XPR1: variants seen among roughly 807,000 people sequenced by gnomAD.
XPR1 encodes the protein solute carrier family 53 member 1.
In XPR1, 28 loss-of-function variants were observed where a neutral mutation model predicts 87.5. That is an observed-to-expected ratio of 0.32 (90% CI 0.24 to 0.44). The LOEUF (loss-of-function observed/expected upper bound fraction) is 0.44. Among genes scored for constraint, XPR1 ranks in the 20% least tolerant of loss-of-function variants. XPR1 has a pLI of 1.00. For synonymous variants in XPR1, 300 were observed against 306.1 expected (o/e 0.98, Z 0.21); for missense variants, 559 against 862.3 (o/e 0.65, Z 4.41).
intron 2 of XPR1, among the ~76,000 whole-genome samples, chr1:180,777,137 GA>G (rs1229480722): frequency 1.3e-5 from 2 of 152,144 alleles, no homozygotes; most frequent in Non-Finnish European, 2.9e-5. Flanking sequence ...GTTGGCAACA[GA>G]ACCATATCTA....
intron 11 of XPR1, among the ~76,000 whole-genome samples, chr1:180,858,738 T>A (rs901813742): frequency 6.6e-6 from 1 of 152,184 alleles, no homozygotes; most frequent in African/African-American, 2.4e-5. Flanking sequence ...CTCCCTCAAC[T>A]TCAGTTTCCT....
At chr1:180,844,967 G>A (rs529424983) in intron 11 of XPR1, among the ~76,000 whole-genome samples, 7 of 152,270 alleles carry the variant, frequency 4.6e-5, no homozygotes, top group Non-Finnish European at 1.0e-4. Flanking sequence ...CATGGAAACA[G>A]GGATGGGCTG....
chr1:180,687,939 C>G (rs1656841625), intron 2 of XPR1, among the ~76,000 whole-genome samples: 2 of 151,006 alleles, frequency 1.3e-5, no homozygotes, highest in African/African-American at 4.9e-5. Context: ...ATTTCATTAC[C>G]TACTCTTCTA....
intron 13 of XPR1, among the ~76,000 whole-genome samples, chr1:180,879,654 A>T (rs941604500): frequency 6.6e-6 from 1 of 152,080 alleles, no homozygotes; most frequent in African/African-American, 2.4e-5. Flanking sequence ...GGCATACTCT[A>T]TTCCCTTGTC....
At chr1:180,644,441 A>T in intron 1 of XPR1, among the ~76,000 whole-genome samples, 1 of 144,448 alleles carries the variant, frequency 6.9e-6, no homozygotes, top group Non-Finnish European at 1.5e-5. Context: ...AATACTACTG[A>T]TACTGGTCTG....
chr1:180,813,238 A>T (rs1368974119), intron 7 of XPR1, among the ~76,000 whole-genome samples: 1 of 152,152 alleles, frequency 6.6e-6, no homozygotes, highest in Non-Finnish European at 1.5e-5. Context: ...CACTTGTGTT[A>T]GTACTTCTTA....
At chr1:180,755,983 T>A (rs1316349968) in intron 2 of XPR1, among the ~76,000 whole-genome samples, 1 of 152,228 alleles carries the variant, frequency 6.6e-6, no homozygotes, top group Admixed American at 6.5e-5. Context: ...AAGTGCTTAT[T>A]AATTACAAGA....
At chr1:180,764,494 G>A (rs1337245885) in intron 2 of XPR1, among the ~76,000 whole-genome samples, 1 of 151,584 alleles carries the variant, frequency 6.6e-6, no homozygotes, top group Non-Finnish European at 1.5e-5. Context: ...TTTGAGATGG[G>A]GGTCTCACTC....
At chr1:180,860,270 A>G (rs1020059756) in intron 11 of XPR1, among the ~76,000 whole-genome samples, 4 of 152,258 alleles carry the variant, frequency 2.6e-5, no homozygotes, top group Non-Finnish European at 4.4e-5. Context: ...TGAAAATGCA[A>G]AATGGTACAA....
At chr1:180,706,267 A>G (rs1011471262) in intron 2 of XPR1, among the ~76,000 whole-genome samples, 4 of 152,210 alleles carry the variant, frequency 2.6e-5, no homozygotes, top group Non-Finnish European at 4.4e-5. Context: ...CCATAAAAAT[A>G]TAGGCTTTGT....
At chr1:180,694,602 C>T (rs1240022030) in intron 2 of XPR1, among the ~76,000 whole-genome samples, 1 of 152,044 alleles carries the variant, frequency 6.6e-6, no homozygotes, top group Non-Finnish European at 1.5e-5. Context: ...CTTTTTAGTA[C>T]ACTGGATCAA....
intron 2 of XPR1, among the ~76,000 whole-genome samples, chr1:180,689,197 T>G (rs1656896881): frequency 6.6e-6 from 1 of 152,148 alleles, no homozygotes; most frequent in South Asian, 2.1e-4. Context: ...GAGACCACTT[T>G]AAGGTTGCAT....
intron 2 of XPR1, among the ~76,000 whole-genome samples, chr1:180,761,718 C>G (rs1326319066): frequency 6.6e-6 from 1 of 152,122 alleles, no homozygotes; most frequent in Non-Finnish European, 1.5e-5. Flanking sequence ...TGTGGCAATT[C>G]CTCAGGGATC....
At chr1:180,678,964 G>A (rs1656463073) in intron 1 of XPR1, among the ~76,000 whole-genome samples, 1 of 152,074 alleles carries the variant, frequency 6.6e-6, no homozygotes, top group Admixed American at 6.6e-5. Context: ...AGGAGGCCGA[G>A]GCGGGTGGAT....
chr1:180,759,500 A>C (rs1253577801), intron 2 of XPR1, among the ~76,000 whole-genome samples: 1 of 152,210 alleles, frequency 6.6e-6, no homozygotes, highest in Non-Finnish European at 1.5e-5. Flanking sequence ...TACGCACATA[A>C]ACTAGAAAAT....
chr1:180,748,400 C>CTTTTTTTTTTTTTTTTTTTT lies in XPR1; in HGVS notation c.122-39337_122-39318dup, dbSNP rs71297873. ...TGCTACTCTGTGTTATTATTTATGT[C>CTTTTTTTTTTTTTTTTTTTT]TTTTTTTTTTTTTTTTTTTTTTTTT... On this transcript the variant is annotated intron_variant, in intron 2 of 14. Transcript: ENST00000367590. Among the ~76,000 whole-genome samples the CTTTTTTTTTTTTTTTTTTTT allele has an allele frequency of 1.0e-3, 31 of 29,680 alleles. 5 individuals carry two copies. The highest frequency in any genetic ancestry group is 1.1e-3 in the Admixed American group (2 of 1,898). 19.5% of individuals were successfully genotyped at this position (29,680 alleles called of 152,430 possible).
intron 14 of XPR1, among the ~76,000 whole-genome samples, chr1:180,883,734 G>T (rs1383638815): frequency 2.0e-5 from 3 of 149,976 alleles, no homozygotes; most frequent in Non-Finnish European, 3.0e-5. Context: ...ATCAAAGTCA[G>T]TACTCAAACC....
intron 11 of XPR1, among the ~76,000 whole-genome samples, chr1:180,844,935 G>A (rs1651629030): frequency 6.6e-6 from 1 of 152,152 alleles, no homozygotes; most frequent in African/African-American, 2.4e-5. Context: ...TACATTAATG[G>A]GGCAAGAAAG....
intron 7 of XPR1, among the ~76,000 whole-genome samples, chr1:180,814,817 G>A (rs572775200): frequency 6.6e-6 from 1 of 152,230 alleles, no homozygotes; most frequent in South Asian, 2.1e-4. Flanking sequence ...AAGAAATAAC[G>A]TTTATGCTAG....
Sources: gnomAD v4.1 joint callset for allele counts (sites outside exome capture counted in the v4.1 genomes callset) on GRCh38, gnomAD v4.1.1 for gene constraint, MANE v1.5 for transcripts, NCBI Gene and HGNC (gene_info 2026-07-23, HGNC 2026-07-21) for gene names.